Variants in TTC6 observed in about 807,000 individuals in gnomAD.
TTC6 encodes tetratricopeptide repeat domain 6.
Under a neutral mutation model 210.4 loss-of-function variants are expected in TTC6, and 172 were observed. The observed-to-expected ratio is 0.82, with a 90% CI of 0.72 to 0.93. The LOEUF (loss-of-function observed/expected upper bound fraction) is 0.93, where lower values mean the gene tolerates loss of function less well. Ranked by LOEUF, TTC6 falls within the 40% of genes least tolerant of loss-of-function variation. The pLI is 0.00. For synonymous variants in TTC6, 804 were observed against 819.6 expected (o/e 0.98, Z 0.32); for missense variants, 2,414 against 2,318.1 (o/e 1.04, Z -0.85).
intron 2 of TTC6, among the ~76,000 whole-genome samples, chr14:37,615,057 T>G (rs1023948655): frequency 1.3e-5 from 2 of 152,192 alleles, no homozygotes; most frequent in Admixed American, 6.5e-5. Context: ...TGGGTTGACA[T>G]TTAAAAAAAA....
chr14:37,622,576 G>A lies in TTC6; in HGVS notation c.512G>A (p.Arg171Gln), dbSNP rs748612239. 4.6e-6 allele frequency: 7 copies of A among 1,534,174 alleles called. No individual in the cohort carries two copies. The South Asian group carries it at 7.1e-5, about 16-fold the overall frequency. ...GCGCGCGGGGTCTTGGAGAGCTCGCGGCACGCGGCTCCCAGGCGGGTCTTC... is the reference window on the plus strand; with the variant it reads ...GCGCGCGGGGTCTTGGAGAGCTCGCAGCACGCGGCTCCCAGGCGGGTCTTC... Residue 171 changes from arginine (R) to glutamine (Q), a missense_variant, in exon 1 of 31, where the codon CGG (arginine) becomes CAG (glutamine). By Grantham distance (43) the Arg-to-Gln change is conservative. Coordinates refer to ENST00000553443, the Ensembl canonical transcript of TTC6.
chr14:37,801,116 G>A (rs985881240), intron 20 of TTC6, among the ~76,000 whole-genome samples: 1 of 152,158 alleles, frequency 6.6e-6, no homozygotes, highest in East Asian at 1.9e-4. Context: ...CAGAATATCT[G>A]TGGATATTAT....
intron 14 of TTC6, among the ~76,000 whole-genome samples, chr14:37,758,242 T>A (rs2095973775): frequency 6.6e-6 from 1 of 152,166 alleles, no homozygotes; most frequent in South Asian, 2.1e-4. Flanking sequence ...CCTTGTCAAT[T>A]TTTTGTCTTG....
At chr14:37,689,845 G>T (rs933314340) in intron 3 of TTC6, among the ~76,000 whole-genome samples, 4 of 151,988 alleles carry the variant, frequency 2.6e-5, no homozygotes, top group Non-Finnish European at 4.4e-5. Context: ...AGAGAGAAAA[G>T]CATGATAATG....
intron 5 of TTC6, among the ~76,000 whole-genome samples, chr14:37,703,985 A>G (rs1028524810): frequency 6.6e-6 from 1 of 152,162 alleles, no homozygotes; most frequent in African/African-American, 2.4e-5. Context: ...CATCTCTTGT[A>G]TATGTATGTG....
rs1175706347 is a variant in TTC6, at chr14:37,839,002, C to T, written c.5299-2443C>T. On this transcript the variant is annotated intron_variant, in intron 29 of 30. Coordinates refer to ENST00000553443, the Ensembl canonical transcript of TTC6. Reference sequence around the variant, plus strand: ...ATGAACCCATCCTTTTTCATGGCTGCATAGTATTCCATGGTGTATATGTGC... The same window carrying T: ...ATGAACCCATCCTTTTTCATGGCTGTATAGTATTCCATGGTGTATATGTGC... 2.0e-5 allele frequency among the ~76,000 whole-genome samples: 3 copies of T among 152,342 alleles called. No homozygotes were observed. In the South Asian group the frequency reaches 6.2e-4, roughly 32 times the overall value.
chr14:37,740,088 C>T (rs762645011), intron 10 of TTC6, among the ~76,000 whole-genome samples: 42 of 149,322 alleles, frequency 2.8e-4, no homozygotes, highest in Non-Finnish European at 5.2e-4. Flanking sequence ...GGCGTGAACC[C>T]AGGAGGTGGA....
upstream of TTC6, among the ~76,000 whole-genome samples, chr14:37,621,865 C>G (rs1407667403): frequency 1.3e-5 from 2 of 151,956 alleles, 1 homozygote; most frequent in African/African-American, 4.8e-5. Context: ...TTTCATGGTT[C>G]TTGTGAAAGG....
At position 37,787,570 on chromosome 14, in the gene TTC6, G is replaced by C. The variant is rs375004638; in HGVS notation, c.3369G>C (p.Leu1123Phe). ...TAGATCCTAATAACTGGTTAGCGTT[G>C]TATTATCGAGGTTGCTTATTCAGAA... The change falls in exon 15 of 31, where the codon TTG becomes TTC. Residue 1123 changes from leucine (L) to phenylalanine (F), a missense_variant. Transcript: ENST00000553443. 34 of 1,528,028 alleles carry C rather than the reference G, an allele frequency of 2.2e-5. No individual in the cohort carries two copies. In the South Asian group the frequency reaches 4.0e-4, roughly 18 times the overall value. The allele number at this position is 1,528,028 out of a possible 1,614,324, so 94.7% of individuals were successfully genotyped here.
At chr14:37,802,691 T>C (rs554379069) in intron 20 of TTC6, among the ~76,000 whole-genome samples, 2 of 152,126 alleles carry the variant, frequency 1.3e-5, no homozygotes, top group East Asian at 3.9e-4. Context: ...GCACCTCTGG[T>C]TTGGAATCAA....
intron 15 of TTC6, among the ~76,000 whole-genome samples, chr14:37,787,965 T>C (rs1177131461): frequency 2.7e-5 from 4 of 150,502 alleles, no homozygotes; most frequent in Non-Finnish European, 4.4e-5. Flanking sequence ...AAGAATCTCT[T>C]TCTATAATAT....
At chr14:37,787,410 C>G in intron 14 of TTC6, 58 bp from the exon 17 acceptor site, 1 of 1,207,918 alleles carries the variant, frequency 8.3e-7, no homozygotes, top group Admixed American at 2.8e-5. Flanking sequence ...TACAGGTTTA[C>G]CAAAAAGAGA....
At chr14:37,824,340 C>T (rs2096165396) in intron 27 of TTC6, among the ~76,000 whole-genome samples, 1 of 152,140 alleles carries the variant, frequency 6.6e-6, no homozygotes, top group Non-Finnish European at 1.5e-5. Context: ...AGGTTTTGTC[C>T]TGTTGCATTA....
At chr14:37,622,473 C>T in exon 1 of TTC6, 2 of 1,535,272 alleles carry the variant, frequency 1.3e-6, no homozygotes, top group Non-Finnish European at 1.7e-6. Flanking sequence ...GAAAAAGCCC[C>T]CAGTCATCGC....
Position 37,751,270 on chromosome 14 carries a change from T to TG in TTC6, c.3129+46dup, listed in dbSNP as rs1168697771. 15 of 1,376,444 alleles carry TG rather than the reference T, an allele frequency of 1.1e-5. No homozygotes were observed. The East Asian group carries it at 3.9e-4, about 36-fold the overall frequency. 85.3% of individuals were successfully genotyped at this position (1,376,444 alleles called of 1,614,324 possible). A position where few individuals can be genotyped will look rare whatever the true frequency, so the allele number is the denominator to read the frequency against. On this transcript the variant is annotated intron_variant, in intron 13 of 30. Transcript: ENST00000553443. ...ATTCTACCATTTATATAGTTTAGAT[T>TG]GCGATATCCTCATGCAAATAGTACA...
At chr14:37,772,087 C>A (rs1005161704) in intron 14 of TTC6, among the ~76,000 whole-genome samples, 1 of 152,166 alleles carries the variant, frequency 6.6e-6, no homozygotes, top group African/African-American at 2.4e-5. Context: ...TGTGCCCCTG[C>A]TGGGGGGTGC....
chr14:37,809,347 G>T (rs569269416), intron 24 of TTC6, among the ~76,000 whole-genome samples: 36 of 150,058 alleles, frequency 2.4e-4, no homozygotes, highest in Non-Finnish European at 4.3e-4. Context: ...CCGCCTCCCG[G>T]GTTCACGCCA....
intron 1 of TTC6, among the ~76,000 whole-genome samples, chr14:37,627,505 C>T (rs1034662632): frequency 6.6e-6 from 1 of 151,670 alleles, no homozygotes; most frequent in South Asian, 2.1e-4. Flanking sequence ...TCCCTGTGTC[C>T]ATGTGTTCTC....
chr14:37,676,487 A>G (rs1447607507), intron 1 of TTC6, among the ~76,000 whole-genome samples: 2 of 152,042 alleles, frequency 1.3e-5, no homozygotes, highest in African/African-American at 4.8e-5. Flanking sequence ...CAAATGATTT[A>G]CAAATATTTT....
Sources: allele counts gnomAD v4.1 joint callset (sites outside exome capture counted in the v4.1 genomes callset), GRCh38; gene constraint gnomAD v4.1.1; transcripts MANE v1.5; gene names NCBI Gene and HGNC (gene_info 2026-07-23, HGNC 2026-07-21).